Variants in COL26A1 observed in about 807,000 individuals in gnomAD.
COL26A1 encodes collagen type XXVI alpha 1 chain.
In COL26A1, 41 loss-of-function variants were observed where a neutral mutation model predicts 59.3. The ratio of observed to expected loss-of-function variants is 0.69; its 90% confidence interval spans 0.54 to 0.90. The LOEUF is 0.90. COL26A1 is among the 40% of genes least tolerant of loss of function. COL26A1 has a pLI of 0.00. For missense variants in COL26A1, 612 were observed against 602.3 expected (o/e 1.02, Z -0.17); for synonymous variants, 266 against 256.0 (o/e 1.04, Z -0.37).
intron 1 of COL26A1, among the ~76,000 whole-genome samples, chr7:101,370,107 C>G (rs1262920196): frequency 1.3e-5 from 2 of 152,044 alleles, no homozygotes; most frequent in Non-Finnish European, 2.9e-5. Flanking sequence ...GTGATCCACC[C>G]GCCTCAGCCT....
intron 1 of COL26A1, among the ~76,000 whole-genome samples, chr7:101,401,531 AAGG>A (rs1562963188): frequency 4.3e-5 from 5 of 116,858 alleles, no homozygotes; most frequent in African/African-American, 1.1e-4. Context: ...GGACAAAGAG[AAGG>A]AGGAGGAAGA....
intron 1 of COL26A1, among the ~76,000 whole-genome samples, chr7:101,414,049 A>G (rs950571561): frequency 1.3e-5 from 2 of 152,132 alleles, no homozygotes; most frequent in Non-Finnish European, 2.9e-5. Context: ...GGGCAAGGCA[A>G]TGGGGGTCCC....
Position 101,557,752 on chromosome 7 carries a change from C to T in COL26A1, c.*222C>T, listed in dbSNP as rs2130696656. The T allele has an allele frequency of 4.2e-6, 2 of 473,060 alleles. No homozygotes were observed. Among genetic ancestry groups the T allele is most frequent in the African/African-American group, 1.9e-5 (1 of 51,380 alleles). The allele number at this position is 473,060 out of a possible 1,614,324, so 29.3% of individuals were successfully genotyped here. On this transcript the variant is annotated 3_prime_UTR_variant, in exon 13 of 13. Coordinates refer to ENST00000313669, the MANE Select transcript of COL26A1 (RefSeq NM_001278563.3). ...CCTCTGGCCTGTCCCCTCCCCTACC[C>T]CCACTCCCGGCTGGAGACGGGGTCT...
In COL26A1 at chr7:101,489,664, C is replaced by CTTTCTTTCTTTCTTTCTTTCTTT. The variant is rs1563007363; in HGVS notation, c.385+41877_385+41878insTTTCTTTCTTTCTTTCTTTCTTT. ...TTCTTTCTTTCTTTCTTTCTTTCTT[C>CTTTCTTTCTTTCTTTCTTTCTTT]CTTCCTTCCTTCCTTCCTTTCTTTC... On this transcript the variant is annotated intron_variant, in intron 3 of 12. Coordinates refer to ENST00000313669, the MANE Select transcript of COL26A1 (RefSeq NM_001278563.3). Among the ~76,000 whole-genome samples the CTTTCTTTCTTTCTTTCTTTCTTT allele has an allele frequency of 8.8e-5, 2 of 22,702 alleles. 1 individual carries two copies. Among genetic ancestry groups the CTTTCTTTCTTTCTTTCTTTCTTT allele is most frequent in the Non-Finnish European group, 1.6e-4 (2 of 12,282 alleles). The allele number at this position is 22,702 out of a possible 152,430, so 14.9% of individuals were successfully genotyped here. A position where few individuals can be genotyped will look rare whatever the true frequency, so the allele number is the denominator to read the frequency against.
intron 1 of COL26A1, among the ~76,000 whole-genome samples, chr7:101,385,827 C>T (rs936773725): frequency 6.6e-6 from 1 of 152,124 alleles, no homozygotes; most frequent in African/African-American, 2.4e-5. Context: ...GCCTCAGCCT[C>T]CCAAGTAGCT....
chr7:101,557,234 G>A, intron 12 of COL26A1, 136 bp from the exon 13 acceptor site: 1 of 766,678 alleles, frequency 1.3e-6, no homozygotes, highest in Non-Finnish European at 2.0e-6. Context: ...AATGCATAAG[G>A]GGCTGAAAGC....
At chr7:101,412,706 C>T (rs1469050235) in intron 1 of COL26A1, among the ~76,000 whole-genome samples, 1 of 151,134 alleles carries the variant, frequency 6.6e-6, no homozygotes. Flanking sequence ...CTCTGAGCTG[C>T]TACTCTGGGC....
intron 3 of COL26A1, among the ~76,000 whole-genome samples, chr7:101,505,253 G>A (rs1406732231): frequency 1.3e-5 from 2 of 152,076 alleles, no homozygotes; most frequent in African/African-American, 4.8e-5. Context: ...TGTTGTGTGT[G>A]TGCATGACTG....
chr7:101,400,117 G>C (rs1190905276), intron 1 of COL26A1, among the ~76,000 whole-genome samples: 1 of 152,112 alleles, frequency 6.6e-6, no homozygotes, highest in East Asian at 1.9e-4. Context: ...GGGGCCACTT[G>C]AGCAGGATGT....
chr7:101,470,612 C>T (rs12668018), intron 3 of COL26A1, among the ~76,000 whole-genome samples: 12,747 of 151,954 alleles, frequency 0.084, 788 homozygotes, highest in East Asian at 0.3. Context: ...TCACATAGGC[C>T]AGTATGGAGG....
chr7:101,447,736 G>A lies in COL26A1; in HGVS notation c.334G>A (p.Val112Met). 1 of 1,607,196 alleles carries A rather than the reference G, an allele frequency of 6.2e-7. No homozygotes were observed. The highest frequency in any genetic ancestry group is 8.5e-7 in the Non-Finnish European group (1 of 1,177,048). ...TYRVSYRTVT[V>M]LEWRCCPGFT... Reference sequence around the variant, plus strand: ...CAGAGTGTCCTACCGCACGGTGACGGTGCTGGAGTGGAGATGCTGCCCTGG... The same window carrying A: ...CAGAGTGTCCTACCGCACGGTGACGATGCTGGAGTGGAGATGCTGCCCTGG... Residue 112 changes from valine (V) to methionine (M), a missense_variant, in exon 3 of 13, where the codon GTG becomes ATG. Coordinates refer to ENST00000313669, the MANE Select transcript of COL26A1 (RefSeq NM_001278563.3).
intron 2 of COL26A1, among the ~76,000 whole-genome samples, chr7:101,437,475 G>T (rs1385227730): frequency 6.6e-6 from 1 of 151,960 alleles, no homozygotes; most frequent in East Asian, 1.9e-4. Flanking sequence ...GGGGCGGGGA[G>T]GAGCTGGTGG....
At chr7:101,530,429 G>A (rs1041265507) in intron 3 of COL26A1, among the ~76,000 whole-genome samples, 1 of 151,890 alleles carries the variant, frequency 6.6e-6, no homozygotes, top group African/African-American at 2.4e-5. Context: ...CTAGCCGGGC[G>A]TGGTGATGCG....
chr7:101,404,441 C>A (rs114355360), intron 1 of COL26A1, among the ~76,000 whole-genome samples: 62 of 152,290 alleles, frequency 4.1e-4, no homozygotes, highest in African/African-American at 1.3e-3. Flanking sequence ...CCCTCCCCCC[C>A]CAAATGGCTT....
chr7:101,530,020 A>G (rs1795331028), intron 3 of COL26A1, among the ~76,000 whole-genome samples: 1 of 152,126 alleles, frequency 6.6e-6, no homozygotes, highest in South Asian at 2.1e-4. Context: ...CAGTCGCAGG[A>G]ACATCCACAG....
chr7:101,541,446 G>A (rs1233429132), intron 5 of COL26A1, among the ~76,000 whole-genome samples: 1 of 151,792 alleles, frequency 6.6e-6, no homozygotes, highest in African/African-American at 2.4e-5. Flanking sequence ...CGAGGCTCAG[G>A]TGATCCTCCT....
chr7:101,364,209 C>T (rs1424929123), intron 1 of COL26A1, among the ~76,000 whole-genome samples: 1 of 149,606 alleles, frequency 6.7e-6, no homozygotes, highest in Non-Finnish European at 1.5e-5. Context: ...TAAAAGTTGC[C>T]AAACGCCTCG....
At position 101,549,193 on chromosome 7, in the gene COL26A1, C is replaced by T. The variant is rs1339515258; in HGVS notation, c.963C>T (p.Pro321=). 3 of 1,604,936 alleles carry T rather than the reference C, an allele frequency of 1.9e-6. No homozygotes were observed. The highest frequency in any genetic ancestry group is 2.3e-5 in the East Asian group (1 of 44,014). ...GPPGPPGPRG[P]PGPPGTPGSQ... is the part of the protein sequence containing the mutation. ...CAGGTCCCCCTGGGCCTCGAGGTCC[C>T]CCAGGACCCCCAGGAACACCTGGAT... The change falls in exon 9 of 13, where the codon CCC becomes CCT. Residue 321 remains proline (P), a synonymous_variant. Coordinates refer to ENST00000313669, the MANE Select transcript of COL26A1 (RefSeq NM_001278563.3).
intron 1 of COL26A1, among the ~76,000 whole-genome samples, chr7:101,392,209 A>G (rs1228112558): frequency 1.3e-5 from 2 of 152,084 alleles, no homozygotes; most frequent in East Asian, 1.9e-4. Context: ...GTGCACAGGC[A>G]GGAGGGTTAC....
Sources: gnomAD v4.1 joint callset for allele counts (sites outside exome capture counted in the v4.1 genomes callset) on GRCh38, gnomAD v4.1.1 for gene constraint, MANE v1.5 for transcripts, NCBI Gene and HGNC (gene_info 2026-07-23, HGNC 2026-07-21) for gene names.